PAX5: variants seen among roughly 807,000 people sequenced by gnomAD.
PAX5 encodes the protein paired box 5.
PAX5 carries 9 observed loss-of-function variants against 43.7 expected under a neutral mutation model. That is an observed-to-expected ratio of 0.21 (90% CI 0.12 to 0.36). The LOEUF (loss-of-function observed/expected upper bound fraction) is 0.36. Among genes scored for constraint, PAX5 ranks in the 10% least tolerant of loss-of-function variants. The pLI is 1.00. For synonymous variants in PAX5, 228 were observed against 214.3 expected, an observed-to-expected ratio of 1.06 and a Z score of -0.56; for missense variants, 383 against 532.7, an observed-to-expected ratio of 0.72 and a Z score of 2.77.
intron 7 of PAX5, among the ~76,000 whole-genome samples, chr9:36,897,932 C>G (rs765475090): frequency 6.6e-6 from 1 of 152,178 alleles, no homozygotes; most frequent in Non-Finnish European, 1.5e-5. Context: ...CTTGAGCCTA[C>G]TGGTCAGGGG....
At chr9:36,885,790 C>T (rs1826856012) in intron 7 of PAX5, among the ~76,000 whole-genome samples, 1 of 152,148 alleles carries the variant, frequency 6.6e-6, no homozygotes, top group African/African-American at 2.4e-5. Flanking sequence ...CCCACCCTCA[C>T]CACCATCAGC....
At chr9:36,941,748 A>G (rs912208335) in intron 6 of PAX5, among the ~76,000 whole-genome samples, 5 of 144,464 alleles carry the variant, frequency 3.5e-5, no homozygotes, top group Middle Eastern at 6.9e-3. Context: ...TGGTCACGTC[A>G]CAGGGAATGG....
At chr9:36,844,487 G>A (rs1385872071) in intron 9 of PAX5, among the ~76,000 whole-genome samples, 1 of 152,174 alleles carries the variant, frequency 6.6e-6, no homozygotes, top group African/African-American at 2.4e-5. Context: ...CATGTAAAAA[G>A]GGTTTTGGGT....
chr9:36,941,564 A>G (rs925927740), intron 6 of PAX5, among the ~76,000 whole-genome samples: 1 of 152,146 alleles, frequency 6.6e-6, no homozygotes, highest in African/African-American at 2.4e-5. Context: ...AGAACGGAAA[A>G]CAGATTGGAG....
At chr9:36,907,258 T>C (rs3780150) in intron 7 of PAX5, among the ~76,000 whole-genome samples, 40,210 of 152,106 alleles carry the variant, frequency 0.26, 5,619 homozygotes, top group South Asian at 0.35. Context: ...TATTAAACAT[T>C]AGCTATCATT....
chr9:36,892,183 A>G (rs1242782881), intron 7 of PAX5, among the ~76,000 whole-genome samples: 3 of 152,252 alleles, frequency 2.0e-5, no homozygotes, highest in African/African-American at 7.2e-5. Flanking sequence ...CCTCCCTGCC[A>G]CGACGGGGAC....
Position 36,997,163 on chromosome 9 carries a change from C to T in PAX5, c.604+5485G>A, listed in dbSNP as rs564313947. Reference sequence around the variant, plus strand: ...CCCATGAGAGTCTCATCAGACTTGGCATCTTCTGGAAAGGACAGGCCACCT... The same window carrying T: ...CCCATGAGAGTCTCATCAGACTTGGTATCTTCTGGAAAGGACAGGCCACCT... On this transcript the variant is annotated intron_variant, in intron 5 of 9. Transcript: ENST00000358127. Among the ~76,000 whole-genome samples, 13 of 152,310 alleles carry T rather than the reference C, an allele frequency of 8.5e-5. No homozygotes were observed. In the South Asian group the frequency reaches 1.7e-3, roughly 19 times the overall value.
At chr9:36,941,903 C>T (rs1832086491) in intron 6 of PAX5, among the ~76,000 whole-genome samples, 1 of 152,132 alleles carries the variant, frequency 6.6e-6, no homozygotes, top group African/African-American at 2.4e-5. Flanking sequence ...CAAGACAGAC[C>T]CTTTCCAATC....
At chr9:36,982,318 G>T (rs1300824572) in intron 5 of PAX5, among the ~76,000 whole-genome samples, 1 of 152,002 alleles carries the variant, frequency 6.6e-6, no homozygotes, top group Non-Finnish European at 1.5e-5. Context: ...AACAAGATGT[G>T]TACAAAGAGG....
At chr9:36,866,113 A>T (rs573038391) in intron 8 of PAX5, among the ~76,000 whole-genome samples, 148 of 152,362 alleles carry the variant, frequency 9.7e-4, no homozygotes, top group African/African-American at 3.3e-3. Context: ...ATCATCAATT[A>T]TGGAGGAAAC....
At chr9:36,881,611 G>A (rs1008510744) in intron 8 of PAX5, among the ~76,000 whole-genome samples, 3 of 151,678 alleles carry the variant, frequency 2.0e-5, no homozygotes, top group African/African-American at 7.3e-5. Flanking sequence ...GCACCTCAGC[G>A]CCTTCTGCTT....
chr9:37,016,496 G>A (rs1342406870), intron 2 of PAX5, among the ~76,000 whole-genome samples: 2 of 152,144 alleles, frequency 1.3e-5, no homozygotes, highest in South Asian at 2.1e-4. Context: ...AAGGAAAATA[G>A]GATGTCAGGG....
At chr9:36,951,227 A>G (rs983425519) in intron 6 of PAX5, among the ~76,000 whole-genome samples, 1 of 152,168 alleles carries the variant, frequency 6.6e-6, no homozygotes, top group Non-Finnish European at 1.5e-5. Context: ...TCATGTGTCT[A>G]TTCTATTAAG....
intron 1 of PAX5, among the ~76,000 whole-genome samples, chr9:37,025,890 C>T (rs1465357887): frequency 1.3e-5 from 2 of 152,302 alleles, no homozygotes; most frequent in Non-Finnish European, 2.9e-5. Flanking sequence ...AGGCGTCCTG[C>T]AGAGAAGGAC....
chr9:36,970,352 A>G (rs889178212), intron 5 of PAX5, among the ~76,000 whole-genome samples: 2 of 152,008 alleles, frequency 1.3e-5, no homozygotes, highest in African/African-American at 4.8e-5. Flanking sequence ...AAGGGGGTGA[A>G]AGGAACAGAG....
intron 5 of PAX5, among the ~76,000 whole-genome samples, chr9:36,995,137 C>G (rs1384773047): frequency 1.3e-5 from 2 of 152,230 alleles, no homozygotes; most frequent in Admixed American, 1.3e-4. Context: ...CCTTCCTGCC[C>G]CCAAAGCCAC....
Position 36,966,216 on chromosome 9 carries a change from C to G in PAX5, c.780+333G>C, listed in dbSNP as rs1212746615. On this transcript the variant is annotated intron_variant, in intron 6 of 9. Transcript: ENST00000358127. ...TCACCCTGACTGACAAGATACTGAC[C>G]CAAGACCACCTTACGTGGCCCGAAA... is the stretch of plus-strand genomic sequence containing the variant. 2.6e-5 allele frequency among the ~76,000 whole-genome samples: 4 copies of G among 152,148 alleles called. 1 individual carries two copies.
Position 37,002,706 on chromosome 9 carries a change from G to A in PAX5, c.546C>T (p.Ser182=), listed in dbSNP as rs2132398377. 4 of 1,610,880 alleles carry A rather than the reference G, an allele frequency of 2.5e-6. No homozygotes were observed. In the South Asian group the frequency reaches 3.3e-5, roughly 13 times the overall value. The change falls in exon 5 of 10, where the codon AGC becomes AGT. Residue 182 remains serine, a synonymous_variant. Transcript: ENST00000358127. ...TGGGGGACGTGATGCCCAGGATGCC[G>A]CTGATGGAGTACGACGAGCCGGCCG... ...TDSAGSSYSI[S]GILGITSPSA...
intron 7 of PAX5, among the ~76,000 whole-genome samples, chr9:36,916,215 T>C (rs1829718960): frequency 6.6e-6 from 1 of 152,176 alleles, no homozygotes; most frequent in African/African-American, 2.4e-5. Flanking sequence ...AACTAAATGA[T>C]TTACCTTTTT....
Sources: allele counts gnomAD v4.1 joint callset (sites outside exome capture counted in the v4.1 genomes callset), GRCh38; gene constraint gnomAD v4.1.1; transcripts MANE v1.5; gene names NCBI Gene and HGNC (gene_info 2026-07-23, HGNC 2026-07-21).